DEDD: variants seen among roughly 807,000 people sequenced by gnomAD.
The protein encoded by DEDD is death effector domain-containing protein.
DEDD carries 3 observed loss-of-function variants against 29.2 expected under a neutral mutation model. The observed-to-expected ratio is 0.10, with a 90% CI of 0.05 to 0.27. The LOEUF (loss-of-function observed/expected upper bound fraction) is 0.27, where lower values mean the gene tolerates loss of function less well. Among genes scored for constraint, DEDD ranks in the 10% least tolerant of loss-of-function variants. DEDD has a pLI of 1.00. For synonymous variants in DEDD, 152 were observed against 161.3 expected (o/e 0.94, Z 0.44); for missense variants, 261 against 420.5 (o/e 0.62, Z 3.32).
Position 161,132,541 on chromosome 1 carries a change from T to G in DEDD, c.-98+10A>C, listed in dbSNP as rs369311144. The G allele has an allele frequency of 1.3e-4, 20 of 152,668 alleles. No individual in the cohort carries two copies. Among genetic ancestry groups the G allele is most frequent in the South Asian group, 9.4e-4 (5 of 5,314 alleles). 9.5% of individuals were successfully genotyped at this position (152,668 alleles called of 1,614,324 possible). On this transcript the variant is annotated intron_variant, in intron 1 of 5. Transcript: ENST00000368006. ...TCCCTCTCCCCACTCCGGCCGCCCC[T>G]CCGCCTCACTCTCGGCTCAGGCTCG...
At position 161,123,961 on chromosome 1, in the gene DEDD, G is replaced by C. The variant is rs758269490; in HGVS notation, c.326-15C>G. On this transcript the variant is annotated splice_polypyrimidine_tract_variant and intron_variant, in intron 3 of 5. Coordinates refer to ENST00000368006, the MANE Select transcript of DEDD (RefSeq NM_032998.3). ...ATCAGGGCACACTGTAGGAGGAGAA[G>C]TAATCATTCAGGAAAATATACACCC... The C allele has an allele frequency of 6.2e-7, 1 of 1,612,330 alleles. No homozygotes were observed. Among genetic ancestry groups the C allele is most frequent in the Non-Finnish European group, 8.5e-7 (1 of 1,179,166 alleles).
chr1:161,122,001 C>G lies in DEDD; in HGVS notation c.*146G>C. The G allele has an allele frequency of 9.0e-7, 1 of 1,115,322 alleles. No homozygotes were observed. The highest frequency in any genetic ancestry group is 1.3e-6 in the Non-Finnish European group (1 of 793,742). The allele number at this position is 1,115,322 out of a possible 1,614,324, so 69.1% of individuals were successfully genotyped here. A position where few individuals can be genotyped will look rare whatever the true frequency, so the allele number is the denominator to read the frequency against. On this transcript the variant is annotated 3_prime_UTR_variant, in exon 6 of 6. Coordinates refer to ENST00000368006, the MANE Select transcript of DEDD (RefSeq NM_032998.3). This position sits in a 1 kb window ranked among gnomAD's most constrained non-coding sequence, Gnocchi z 4.2. Reference sequence around the variant, plus strand: ...CAGGGAGGGGTGGGGAATACCACTTCCACTTTCTTTTGTCTTTTTCTTTAA... The same window carrying G: ...CAGGGAGGGGTGGGGAATACCACTTGCACTTTCTTTTGTCTTTTTCTTTAA...
In DEDD at chr1:161,124,377, A is replaced by G; in HGVS notation, c.86T>C (p.Met29Thr). 6.2e-7 allele frequency: 1 copy of G among 1,614,128 alleles called. No individual in the cohort carries two copies. Among genetic ancestry groups the G allele is most frequent in the Non-Finnish European group, 8.5e-7 (1 of 1,180,040 alleles). ...QEHGLYSLHR[M>T]FDIVGTHLTH... ...CAGATGAGTGCCCACGATGTCAAAC[A>G]TGCGGTGCAGGCTGTACAGCCCATG... The change falls in exon 3 of 6, where the codon ATG becomes ACG. Residue 29 changes from methionine to threonine, a missense_variant. Physicochemically the swap from Met to Thr is moderately conservative, Grantham distance 81. Transcript: ENST00000368006.
intron 2 of DEDD, 127 bp downstream of exon 2, chr1:161,130,684 CAGAT>C (rs564219293): frequency 6.6e-6 from 1 of 152,194 alleles, no homozygotes; most frequent in South Asian, 2.1e-4. Context: ...CTCATGCACT[CAGAT>C]GGATGAATGA....
intron 2 of DEDD, among the ~76,000 whole-genome samples, chr1:161,126,680 A>G (rs143605786): frequency 6.6e-6 from 1 of 152,224 alleles, no homozygotes; most frequent in Non-Finnish European, 1.5e-5. Flanking sequence ...CAAGCCTTCT[A>G]AGATCAGGCC....
chr1:161,122,651 T>A lies in DEDD; in HGVS notation c.581-128A>T. 1 of 1,207,100 alleles carries A rather than the reference T, an allele frequency of 8.3e-7. No individual in the cohort carries two copies. Among genetic ancestry groups the A allele is most frequent in the Non-Finnish European group, 1.1e-6 (1 of 875,626 alleles). 74.8% of individuals were successfully genotyped at this position (1,207,100 alleles called of 1,614,324 possible). ...AATATCACCTGACAGCTTCTCTACC[T>A]CTTCCCCAGGACTATTTCTATGTAT... On this transcript the variant is annotated intron_variant, in intron 5 of 5. Coordinates refer to ENST00000368006, the MANE Select transcript of DEDD (RefSeq NM_032998.3). This position sits in a 1 kb window ranked among gnomAD's most constrained non-coding sequence, Gnocchi z 4.2.
At position 161,124,478 on chromosome 1, in the gene DEDD, A is replaced by G. The variant is rs1276389611; in HGVS notation, c.-16T>C. ...GGCCCGCCATGCTGGGGGCTCAGGT[A>G]CGCAATGCTTTCCAGAATCCCTGCT... is the stretch of plus-strand genomic sequence containing the variant. On this transcript the variant is annotated 5_prime_UTR_variant, in exon 3 of 6. Coordinates refer to ENST00000368006, the MANE Select transcript of DEDD (RefSeq NM_032998.3). 1.3e-6 allele frequency: 2 copies of G among 1,588,490 alleles called. No individual in the cohort carries two copies. The highest frequency in any genetic ancestry group is 1.1e-5 in the South Asian group (1 of 88,118).
Position 161,122,618 on chromosome 1 carries a change from AAGT to A in DEDD, c.581-98_581-96del. 6.8e-7 allele frequency: 1 copy of A among 1,470,246 alleles called. No individual in the cohort carries two copies. The highest frequency in any genetic ancestry group is 9.2e-7 in the Non-Finnish European group (1 of 1,092,388). The allele number at this position is 1,470,246 out of a possible 1,614,324, so 91.1% of individuals were successfully genotyped here. A position where few individuals can be genotyped will look rare whatever the true frequency, so the allele number is the denominator to read the frequency against. On this transcript the variant is annotated intron_variant, in intron 5 of 5. Coordinates refer to ENST00000368006, the MANE Select transcript of DEDD (RefSeq NM_032998.3). The surrounding 1 kb of genome is among the most constrained non-coding windows in gnomAD (Gnocchi z 4.2). ...AACTGAAAAGCACAACAGAATAAAA[AAGT>A]AGGGAATATCACCTGACAGCTTCTC...
Position 161,122,045 on chromosome 1 carries a change from A to C in DEDD, c.*102T>G, listed in dbSNP as rs1655558233. The C allele has an allele frequency of 2.8e-5, 36 of 1,278,442 alleles. No homozygotes were observed. Among genetic ancestry groups the C allele is most frequent in the Non-Finnish European group, 3.4e-5 (32 of 942,640 alleles). The allele number at this position is 1,278,442 out of a possible 1,614,324, so 79.2% of individuals were successfully genotyped here. Reference sequence around the variant, plus strand: ...TCTTTAAAAAAAAAAAAAAAAAGGCAGGGGTGTGATTGGTTGGAAGGGTAG... The same window carrying C: ...TCTTTAAAAAAAAAAAAAAAAAGGCCGGGGTGTGATTGGTTGGAAGGGTAG... On this transcript the variant is annotated 3_prime_UTR_variant, in exon 6 of 6. Transcript: ENST00000368006. This position sits in a 1 kb window ranked among gnomAD's most constrained non-coding sequence, Gnocchi z 4.2.
At chr1:161,132,420 G>A (rs1656767676) in intron 1 of DEDD, 131 bp downstream of exon 1, 4 of 142,486 alleles carry the variant, frequency 2.8e-5, no homozygotes. Context: ...TCCCTCTCTT[G>A]AGGTTCTCAG....
chr1:161,132,247 G>A (rs1228807745), intron 1 of DEDD: 2 of 153,856 alleles, frequency 1.3e-5, no homozygotes, highest in Admixed American at 1.3e-4. Flanking sequence ...CCCCACCTCG[G>A]CCTCTCTAAT....
rs909858744 is a variant in DEDD at position 161,123,118 on chromosome 1, G to A, written c.537C>T (p.Arg179=). Residue 179 remains arginine, a synonymous_variant, in exon 5 of 6, where the codon CGC becomes CGT. Coordinates refer to ENST00000368006, the MANE Select transcript of DEDD (RefSeq NM_032998.3). ...TGGGATCTGGTGTCACTGACTTCCG[G>A]CGTTTTCGCTGGCTCCCAAGTGTGG... is the stretch of plus-strand genomic sequence containing the variant. The part of the protein sequence containing the change: ...GRATLGSQRK[R]RKSVTPDPKE... 1 of 1,614,026 alleles carries A rather than the reference G, an allele frequency of 6.2e-7. No individual in the cohort carries two copies. The highest frequency in any genetic ancestry group is 1.3e-5 in the African/African-American group (1 of 74,904).
chr1:161,125,217 T>C (rs1374887643), intron 2 of DEDD: 1 of 152,192 alleles, frequency 6.6e-6, no homozygotes, highest in African/African-American at 2.4e-5. Flanking sequence ...TGAATGAATA[T>C]ACACCTCAGA....
rs1571222481 is a variant in DEDD at position 161,123,828 on chromosome 1, T to C, written c.433+11A>G. 1 of 1,606,646 alleles carries C rather than the reference T, an allele frequency of 6.2e-7. No homozygotes were observed. Among genetic ancestry groups the C allele is most frequent in the Non-Finnish European group, 8.5e-7 (1 of 1,174,764 alleles). On this transcript the variant is annotated intron_variant, in intron 4 of 5. Transcript: ENST00000368006. ...GATGATGGAAAGCAGGGGGAGTTAA[T>C]GTCTTCTCACCTGTTTTAGAGGGCT...
At chr1:161,125,138 G>A (rs1656028521) in intron 2 of DEDD, 1 of 152,238 alleles carries the variant, frequency 6.6e-6, no homozygotes, top group African/African-American at 2.4e-5. Context: ...CTGAAAGGCT[G>A]TGTAGCTGTG....
intron 2 of DEDD, 119 bp downstream of exon 2, chr1:161,130,696 T>C (rs1365771378): frequency 6.6e-6 from 1 of 152,216 alleles, no homozygotes; most frequent in African/African-American, 2.4e-5. Flanking sequence ...GATGGATGAA[T>C]GATAACTCAT....
Position 161,124,567 on chromosome 1 carries a change from A to T in DEDD, c.-64-41T>A, listed in dbSNP as rs193056416. On this transcript the variant is annotated intron_variant, in intron 2 of 5. Transcript: ENST00000368006. ...AAGAACCGATGAGACACTCAAGGGCAGGAACTAGTCTCATGCATTCCCATA... is the reference window on the plus strand; with the variant it reads ...AAGAACCGATGAGACACTCAAGGGCTGGAACTAGTCTCATGCATTCCCATA... The T allele has an allele frequency of 1.6e-5, 24 of 1,499,390 alleles. No homozygotes were observed. The East Asian group carries it at 5.4e-4, about 34-fold the overall frequency. 92.9% of individuals were successfully genotyped at this position (1,499,390 alleles called of 1,614,324 possible).
In DEDD at chr1:161,121,816, A is replaced by G. The variant is rs1328337431; in HGVS notation, c.*331T>C. On this transcript the variant is annotated 3_prime_UTR_variant, in exon 6 of 6. Coordinates refer to ENST00000368006, the MANE Select transcript of DEDD (RefSeq NM_032998.3). The stretch of plus-strand genomic sequence containing the variant: ...GTATTGATAACTCCTTAGTGCATCC[A>G]AAAAAAAGTGTTCACATCAATCCCT... 4.6e-6 allele frequency: 1 copy of G among 217,230 alleles called. No homozygotes were observed. The highest frequency in any genetic ancestry group is 2.3e-5 in the African/African-American group (1 of 44,382). 13.5% of individuals were successfully genotyped at this position (217,230 alleles called of 1,614,324 possible). A position where few individuals can be genotyped will look rare whatever the true frequency, so the allele number is the denominator to read the frequency against.
intron 2 of DEDD, chr1:161,125,467 A>G (rs1656064649): frequency 6.6e-6 from 1 of 152,072 alleles, no homozygotes; most frequent in Non-Finnish European, 1.5e-5. Flanking sequence ...ATTCTATGCC[A>G]TTTGTACTCC....
Sources: gnomAD v4.1 joint callset for allele counts (sites outside exome capture counted in the v4.1 genomes callset) on GRCh38, gnomAD v4.1.1 for gene constraint, Gnocchi (gnomAD v3.1) non-coding constraint, MANE v1.5 for transcripts, NCBI Gene and HGNC (gene_info 2026-07-23, HGNC 2026-07-21) for gene names.